Variants in EIF5 observed in about 807,000 individuals in gnomAD.
EIF5 encodes eukaryotic translation initiation factor 5.
In EIF5, 10 loss-of-function variants were observed where a neutral mutation model predicts 48.3. The observed-to-expected ratio is 0.21, with a 90% confidence interval of 0.13 to 0.35. The LOEUF is 0.35. Ranked by LOEUF, EIF5 falls within the 10% of genes least tolerant of loss-of-function variation. The pLI is 1.00. For missense variants in EIF5, 397 were observed against 533.2 expected, an observed-to-expected ratio of 0.74 and a Z score of 2.51; for synonymous variants, 237 against 173.1, an observed-to-expected ratio of 1.37 and a Z score of -2.90.
rs891047033 is a variant in EIF5, at chr14:103,343,762, C to T, written c.*2710C>T. On this transcript the variant is annotated 3_prime_UTR_variant, in exon 12 of 12. Coordinates refer to ENST00000216554, the MANE Select transcript of EIF5 (RefSeq NM_001969.5). ...TTGCATTTTGTTAGCTCAGTCAGTCCTCATCGTGGTCCTGAGGCATAGGTA... is the reference window on the plus strand; with the variant it reads ...TTGCATTTTGTTAGCTCAGTCAGTCTTCATCGTGGTCCTGAGGCATAGGTA... 7 of 152,192 alleles carry T rather than the reference C, an allele frequency of 4.6e-5. No homozygotes were observed. Among genetic ancestry groups the T allele is most frequent in the African/African-American group, 1.7e-4 (7 of 41,446 alleles). 9.4% of individuals were successfully genotyped at this position (152,192 alleles called of 1,614,324 possible).
At chr14:103,339,542 A>G in intron 9 of EIF5, 97 bp from the exon 10 acceptor site, 1 of 1,559,706 alleles carries the variant, frequency 6.4e-7, no homozygotes, top group South Asian at 1.1e-5. Flanking sequence ...CAACTATGGT[A>G]TGGGCCATGC....
At chr14:103,338,513 G>A in intron 7 of EIF5, 41 bp downstream of exon 7, 8 of 1,543,414 alleles carry the variant, frequency 5.2e-6, no homozygotes, top group Non-Finnish European at 7.0e-6. Flanking sequence ...CTAAAGTTGT[G>A]TAAAGTATAT....
At chr14:103,336,297 G>A (rs773711986) in intron 4 of EIF5, 180 bp downstream of exon 4, 13 of 703,654 alleles carry the variant, frequency 1.8e-5, no homozygotes, top group Non-Finnish European at 2.8e-5. Flanking sequence ...TTAAAGAGTG[G>A]ATGGCTGGGC....
At position 103,342,843 on chromosome 14, in the gene EIF5, T is replaced by G. The variant is rs2089369826; in HGVS notation, c.*1791T>G. 1 of 152,792 alleles carries G rather than the reference T, an allele frequency of 6.5e-6. No homozygotes were observed. The highest frequency in any genetic ancestry group is 1.5e-5 in the Non-Finnish European group (1 of 68,036). 9.5% of individuals were successfully genotyped at this position (152,792 alleles called of 1,614,324 possible). A position where few individuals can be genotyped will look rare whatever the true frequency, so the allele number is the denominator to read the frequency against. ...ATTCTTTGCCGCAAGGCTGATCTGC[T>G]TTCATTAACTGGAATTCTGTAGGAG... On this transcript the variant is annotated 3_prime_UTR_variant, in exon 12 of 12. Transcript: ENST00000216554.
chr14:103,340,904 G>C, intron 11 of EIF5, 59 bp from the exon 12 acceptor site: 1 of 1,546,500 alleles, frequency 6.5e-7, no homozygotes, highest in Non-Finnish European at 8.9e-7. Context: ...AATTTACATT[G>C]ATTTGTTTTA....
At position 103,341,778 on chromosome 14, in the gene EIF5, G is replaced by A. The variant is rs971599773; in HGVS notation, c.*726G>A. On this transcript the variant is annotated 3_prime_UTR_variant, in exon 12 of 12. Coordinates refer to ENST00000216554, the MANE Select transcript of EIF5 (RefSeq NM_001969.5). ...GTCGTGTGCATTGCACGTTGGATGA[G>A]CCAGGGAAATTATTACATTAACAAG... 4.6e-5 allele frequency: 7 copies of A among 152,540 alleles called. No homozygotes were observed. Among genetic ancestry groups the A allele is most frequent in the Admixed American group, 6.5e-5 (1 of 15,280 alleles). 9.4% of individuals were successfully genotyped at this position (152,540 alleles called of 1,614,324 possible). A position where few individuals can be genotyped will look rare whatever the true frequency, so the allele number is the denominator to read the frequency against.
intron 2 of EIF5, chr14:103,335,127 T>G (rs1416448113): frequency 6.6e-6 from 1 of 152,298 alleles, no homozygotes; most frequent in South Asian, 2.1e-4. Context: ...TCGCTCGCGC[T>G]CTCTTGCTTA....
Position 103,335,812 on chromosome 14 carries a change from GCAAT to G in EIF5, c.-45_-42del. ...TCCAGACAGAAGATACCAAAAAGTT[GCAAT>G]CAAAGATCTCTTCATCTTATTGATA... On this transcript the variant is annotated 5_prime_UTR_variant, in exon 3 of 12. An upstream open reading frame in the 5' UTR loses its in-frame stop. Transcript: ENST00000216554. The G allele has an allele frequency of 3.9e-6, 6 of 1,534,658 alleles. No individual in the cohort carries two copies. The highest frequency in any genetic ancestry group is 5.4e-6 in the Non-Finnish European group (6 of 1,115,032).
rs1459630292 is a variant in EIF5 at position 103,335,617 on chromosome 14, G to C, written c.-208-36G>C. 1.3e-5 allele frequency: 7 copies of C among 553,874 alleles called. No homozygotes were observed. The South Asian group carries it at 1.4e-4, about 11-fold the overall frequency. The allele number at this position is 553,874 out of a possible 1,614,324, so 34.3% of individuals were successfully genotyped here. ...CATCCAGCGATGATGTTAAACCTGG[G>C]GGGATTTTTGTGTGTTCTTTCCCTT... is the stretch of plus-strand genomic sequence containing the variant. On this transcript the variant is annotated intron_variant, in intron 2 of 11. Transcript: ENST00000216554.
chr14:103,339,610 ATTG>A (rs34222936), intron 9 of EIF5, 26 bp from the exon 10 acceptor site: 203,216 of 1,613,372 alleles, frequency 0.13, 14,440 homozygotes, highest in East Asian at 0.28. Flanking sequence ...CATAAAAAAG[ATTG>A]TTAACACCAA....
chr14:103,337,752 T>TCTCGGTGGTC, intron 6 of EIF5: 1 of 436,660 alleles, frequency 2.3e-6, no homozygotes, highest in East Asian at 5.7e-5. Flanking sequence ...TGAGGGTAGA[T>TCTCGGTGGTC]GAAGTAATGA....
rs772172895 is a variant in EIF5, at chr14:103,344,137, G to A, written c.*3085G>A. On this transcript the variant is annotated 3_prime_UTR_variant, in exon 12 of 12. Transcript: ENST00000216554. ...CTTGATTCATAGTGACATTCCATAA[G>A]TGGGGTGACAGCAAATGACTTGCAG... 1 of 152,226 alleles carries A rather than the reference G, an allele frequency of 6.6e-6. No homozygotes were observed. Among genetic ancestry groups the A allele is most frequent in the Non-Finnish European group, 1.5e-5 (1 of 68,056 alleles). 9.4% of individuals were successfully genotyped at this position (152,226 alleles called of 1,614,324 possible).
chr14:103,336,464 C>T (rs1352258955), intron 4 of EIF5: 2 of 575,688 alleles, frequency 3.5e-6, no homozygotes, highest in Admixed American at 3.5e-5. Flanking sequence ...GCTTGTAGTC[C>T]CAGCTACTTG....
At chr14:103,339,553 A>G (rs1409114286) in intron 9 of EIF5, 86 bp from the exon 10 acceptor site, 13 of 1,583,730 alleles carry the variant, frequency 8.2e-6, no homozygotes, top group African/African-American at 2.7e-5. Flanking sequence ...TGGGCCATGC[A>G]CTTGCAGACA....
chr14:103,335,057 G>A (rs2089267804), intron 2 of EIF5: 1 of 152,272 alleles, frequency 6.6e-6, no homozygotes, highest in Non-Finnish European at 1.5e-5. Context: ...GGGGACCAGG[G>A]CGAAGGTTAA....
Position 103,336,738 on chromosome 14 carries a change from C to T in EIF5, c.216C>T (p.Asp72=). ...GAQTQFDVKN[D]RYIVNGSHEA... ...AGACCCAGTTTGATGTTAAGAATGA[C>T]CGTTACATTGTCAATGGATCTCATG... The change falls in exon 5 of 12, where the codon GAC becomes GAT. Residue 72 remains aspartate (D), a synonymous_variant. Transcript: ENST00000216554. 6.2e-7 allele frequency: 1 copy of T among 1,614,002 alleles called. No individual in the cohort carries two copies. The highest frequency in any genetic ancestry group is 8.5e-7 in the Non-Finnish European group (1 of 1,179,986).
In EIF5 at chr14:103,342,901, A is replaced by T. The variant is rs1336166844; in HGVS notation, c.*1849A>T. 1 of 152,680 alleles carries T rather than the reference A, an allele frequency of 6.5e-6. No individual in the cohort carries two copies. Among genetic ancestry groups the T allele is most frequent in the African/African-American group, 2.4e-5 (1 of 41,466 alleles). The allele number at this position is 152,680 out of a possible 1,614,324, so 9.5% of individuals were successfully genotyped here. ...TGACCTAAGCTAAGTTGCACTCAGC[A>T]TACTCAGTGTCAAGCTAATGAGGTT... is the stretch of plus-strand genomic sequence containing the variant. On this transcript the variant is annotated 3_prime_UTR_variant, in exon 12 of 12. Coordinates refer to ENST00000216554, the MANE Select transcript of EIF5 (RefSeq NM_001969.5).
intron 2 of EIF5, 148 bp downstream of exon 2, chr14:103,334,745 C>G (rs933881183): frequency 6.8e-6 from 1 of 147,370 alleles, no homozygotes; most frequent in Non-Finnish European, 1.5e-5. Context: ...CCCGCGCGCT[C>G]CCCGGCCCGG....
chr14:103,341,273 T>C lies in EIF5; in HGVS notation c.*221T>C. 2.2e-6 allele frequency: 1 copy of C among 454,496 alleles called. No homozygotes were observed. The highest frequency in any genetic ancestry group is 4.0e-6 in the Non-Finnish European group (1 of 248,322). 28.2% of individuals were successfully genotyped at this position (454,496 alleles called of 1,614,324 possible). On this transcript the variant is annotated 3_prime_UTR_variant, in exon 12 of 12. Transcript: ENST00000216554. The stretch of plus-strand genomic sequence containing the variant: ...AGATGTAGTTTGCTTATTTATAGCA[T>C]GTTTCTTTTTGAAAAACTAGTGGTG...
Sources: allele counts gnomAD v4.1 joint callset, GRCh38; gene constraint gnomAD v4.1.1; transcripts MANE v1.5; gene names NCBI Gene and HGNC (gene_info 2026-07-23, HGNC 2026-07-21).